RASA2: variants seen among roughly 807,000 people sequenced by gnomAD.
RASA2 encodes the protein RAS p21 protein activator 2, also known as ras GTPase-activating protein 2.
RASA2 carries 155 observed loss-of-function variants against 118.2 expected under a neutral mutation model. The ratio of observed to expected loss-of-function variants is 1.31; its 90% CI spans 1.15 to 1.50. RASA2 has a LOEUF of 1.50. RASA2 is among the 40% of genes most tolerant of loss of function. RASA2 has a pLI of 0.00. For synonymous variants in RASA2, 353 were observed against 349.1 expected, an observed-to-expected ratio of 1.01 and a Z score of -0.12; for missense variants, 1,016 against 1,009.6, an observed-to-expected ratio of 1.01 and a Z score of -0.09.
chr3:141,540,410 T>C (rs1227419462), intron 4 of RASA2, 123 bp from the exon 5 acceptor site: 3 of 637,346 alleles, frequency 4.7e-6, no homozygotes, highest in Non-Finnish European at 7.9e-6. Context: ...AAGTACTTAG[T>C]GTAGGCAAAG....
rs372237541 is a variant in RASA2, at chr3:141,558,004, A to T, written c.685-882A>T. On this transcript the variant is annotated intron_variant, in intron 7 of 23. Coordinates refer to ENST00000286364, the MANE Select transcript of RASA2 (RefSeq NM_006506.5). ...TTAATATGAGTGATAGTTATTGACC[A>T]ACACTCAAGGTTTGTTTATATAAAC... Among the ~76,000 whole-genome samples, 3 of 152,324 alleles carry T rather than the reference A, an allele frequency of 2.0e-5. No homozygotes were observed. The East Asian group carries it at 5.8e-4, about 29-fold the overall frequency.
At chr3:141,548,215 G>C (rs766391069) in intron 5 of RASA2, among the ~76,000 whole-genome samples, 4 of 152,056 alleles carry the variant, frequency 2.6e-5, no homozygotes, top group Non-Finnish European at 5.9e-5. Context: ...ATTTGGAAGT[G>C]TTCCCCTCTC....
intron 4 of RASA2, among the ~76,000 whole-genome samples, 169 bp downstream of exon 4, chr3:141,529,971 C>T (rs1054863412): frequency 6.6e-6 from 1 of 152,044 alleles, no homozygotes. Flanking sequence ...ATGGCTTTGT[C>T]ATATTGTTTC....
In RASA2 at chr3:141,555,973, T is replaced by G; in HGVS notation, c.684+61T>G. 7 of 1,311,018 alleles carry G rather than the reference T, an allele frequency of 5.3e-6. 1 individual carries two copies. The South Asian group carries it at 9.0e-5, about 17-fold the overall frequency. The allele number at this position is 1,311,018 out of a possible 1,614,324, so 81.2% of individuals were successfully genotyped here. Reference sequence around the variant, plus strand: ...TATGTAATATTTAATGCTAGTTGATTTCTTTTTTCAAACCACAGTCATAGT... The same window carrying G: ...TATGTAATATTTAATGCTAGTTGATGTCTTTTTTCAAACCACAGTCATAGT... On this transcript the variant is annotated intron_variant, in intron 7 of 23. Coordinates refer to ENST00000286364, the MANE Select transcript of RASA2 (RefSeq NM_006506.5).
chr3:141,600,418 C>G (rs1201589094), intron 19 of RASA2: 3 of 442,874 alleles, frequency 6.8e-6, no homozygotes, highest in Non-Finnish European at 1.4e-5. Context: ...TCCAGGCGGA[C>G]CTGCAGCCCC....
chr3:141,528,829 A>C (rs2082218948), intron 3 of RASA2, among the ~76,000 whole-genome samples: 3 of 152,048 alleles, frequency 2.0e-5, no homozygotes, highest in Admixed American at 2.0e-4. Flanking sequence ...AAGGAAATAA[A>C]GTAGAATTAG....
intron 5 of RASA2, among the ~76,000 whole-genome samples, chr3:141,549,296 T>TCCTACATGGTTCTCA (rs1341533533): frequency 2.6e-5 from 4 of 152,270 alleles, no homozygotes; most frequent in African/African-American, 9.6e-5. Context: ...TTACCTTCTC[T>TCCTACATGGTTCTCA]CCTACATGGT....
In RASA2 at chr3:141,613,112, C is replaced by A. The variant is rs1036131297; in HGVS notation, c.*799C>A. The A allele has an allele frequency of 1.8e-4, 28 of 152,098 alleles. No homozygotes were observed. Among genetic ancestry groups the A allele is most frequent in the African/African-American group, 6.8e-4 (28 of 41,402 alleles). The allele number at this position is 152,098 out of a possible 1,614,324, so 9.4% of individuals were successfully genotyped here. A position where few individuals can be genotyped will look rare whatever the true frequency, so the allele number is the denominator to read the frequency against. Reference sequence around the variant, plus strand: ...GACATCTCTTCAAAAAGAAAGTAAACAGGGAATGAAGGTGGTGGGAAAATC... The same window carrying A: ...GACATCTCTTCAAAAAGAAAGTAAAAAGGGAATGAAGGTGGTGGGAAAATC... On this transcript the variant is annotated 3_prime_UTR_variant, in exon 24 of 24. Transcript: ENST00000286364.
intron 20 of RASA2, among the ~76,000 whole-genome samples, chr3:141,608,102 A>G (rs1404330663): frequency 6.6e-6 from 1 of 152,178 alleles, no homozygotes; most frequent in Non-Finnish European, 1.5e-5. Flanking sequence ...CTATCTGTCC[A>G]GCTTTGTCTT....
At chr3:141,581,275 T>C in intron 17 of RASA2, 98 bp downstream of exon 17, 1 of 954,374 alleles carries the variant, frequency 1.0e-6, no homozygotes, top group Non-Finnish European at 1.4e-6. Context: ...CCAGTTTAAA[T>C]AATAATGTTT....
chr3:141,501,883 A>C (rs1288677241), intron 1 of RASA2, among the ~76,000 whole-genome samples: 1 of 151,952 alleles, frequency 6.6e-6, no homozygotes, highest in African/African-American at 2.4e-5. Context: ...GTTGTTGTGA[A>C]TGTAAATGAC....
In RASA2 at chr3:141,571,402, T is replaced by C. The variant is rs750967334; in HGVS notation, c.1021-4T>C. 1.2e-6 allele frequency: 2 copies of C among 1,610,724 alleles called. No individual in the cohort carries two copies. The highest frequency in any genetic ancestry group is 1.7e-6 in the Non-Finnish European group (2 of 1,178,950). ...GTGCTTGTTTTCTACCTTTCTGTAT[T>C]TAGCCAATATCTGCCTCAGCTGCTT... On this transcript the variant is annotated splice_polypyrimidine_tract_variant and splice_region_variant and intron_variant, in intron 10 of 23. Transcript: ENST00000286364.
intron 3 of RASA2, among the ~76,000 whole-genome samples, chr3:141,526,385 A>G (rs1189862637): frequency 4.0e-5 from 6 of 148,638 alleles, no homozygotes; most frequent in African/African-American, 1.5e-4. Context: ...TTCTTTCCCC[A>G]TCCTCTCTTC....
chr3:141,522,869 A>G (rs1404709215), intron 3 of RASA2, among the ~76,000 whole-genome samples: 3 of 151,740 alleles, frequency 2.0e-5, no homozygotes, highest in Non-Finnish European at 4.4e-5. Context: ...TTTCTGCTTC[A>G]TTTTCAGGAT....
intron 1 of RASA2, among the ~76,000 whole-genome samples, chr3:141,498,422 AT>A: frequency 6.6e-6 from 1 of 150,716 alleles, no homozygotes; most frequent in South Asian, 2.1e-4. Flanking sequence ...TGTAGTGGAT[AT>A]TCAATAAAAT....
Position 141,612,845 on chromosome 3 carries a change from A to T in RASA2, c.*532A>T, listed in dbSNP as rs2083673543. 1 of 152,336 alleles carries T rather than the reference A, an allele frequency of 6.6e-6. No homozygotes were observed. The highest frequency in any genetic ancestry group is 2.4e-5 in the African/African-American group (1 of 41,458). The allele number at this position is 152,336 out of a possible 1,614,324, so 9.4% of individuals were successfully genotyped here. A position where few individuals can be genotyped will look rare whatever the true frequency, so the allele number is the denominator to read the frequency against. On this transcript the variant is annotated 3_prime_UTR_variant, in exon 24 of 24. Transcript: ENST00000286364. ...TCAGTCATTACAGGTTCCATTCAAG[A>T]CAGTGATAGAAACTTTAGAAAACTG...
chr3:141,537,645 T>C (rs2082346860), intron 4 of RASA2, among the ~76,000 whole-genome samples: 1 of 152,142 alleles, frequency 6.6e-6, no homozygotes, highest in Non-Finnish European at 1.5e-5. Context: ...GGCACATGCC[T>C]GTAGTCCCAG....
intron 9 of RASA2, among the ~76,000 whole-genome samples, chr3:141,569,591 C>T (rs945882358): frequency 6.6e-4 from 100 of 152,248 alleles, no homozygotes; most frequent in African/African-American, 2.3e-3. Context: ...ACTTGATTGT[C>T]AATGGTACTT....
At chr3:141,528,645 A>G (rs1467075937) in intron 3 of RASA2, among the ~76,000 whole-genome samples, 2 of 151,924 alleles carry the variant, frequency 1.3e-5, no homozygotes, top group Non-Finnish European at 2.9e-5. Context: ...AGAGTTGTGT[A>G]ACTGTCACCA....
Sources: allele counts gnomAD v4.1 joint callset (sites outside exome capture counted in the v4.1 genomes callset), GRCh38; gene constraint gnomAD v4.1.1; transcripts MANE v1.5; gene names NCBI Gene and HGNC (gene_info 2026-07-23, HGNC 2026-07-21).